RPS6KA2: variants seen among roughly 807,000 people sequenced by gnomAD.
RPS6KA2 encodes ribosomal protein S6 kinase alpha-2.
In RPS6KA2, 42 loss-of-function variants were observed where a neutral mutation model predicts 91.8. The ratio of observed to expected loss-of-function variants is 0.46; its 90% CI spans 0.36 to 0.59. The LOEUF (loss-of-function observed/expected upper bound fraction) is 0.59. RPS6KA2 is among the 20% of genes least tolerant of loss of function. The probability of loss-of-function intolerance (pLI) is 0.00; values close to 1 mark genes in which losing one functional copy is unlikely to be tolerated. For missense variants in RPS6KA2, 798 were observed against 978.5 expected (o/e 0.82, Z 2.46); for synonymous variants, 414 against 393.6 (o/e 1.05, Z -0.61).
chr6:166,671,667 C>G (rs1253107107), intron 2 of RPS6KA2, among the ~76,000 whole-genome samples: 1 of 151,334 alleles, frequency 6.6e-6, no homozygotes, highest in African/African-American at 2.4e-5. Flanking sequence ...ACTTTCTTCT[C>G]TGTGCTCTGA....
chr6:166,678,288 G>A (rs569178915), intron 2 of RPS6KA2, among the ~76,000 whole-genome samples: 142 of 152,158 alleles, frequency 9.3e-4, no homozygotes, highest in African/African-American at 3.3e-3. Flanking sequence ...GCTCTTCCAC[G>A]CTTATCCTGG....
At chr6:166,531,400 A>T in intron 2 of RPS6KA2, 87 bp from the exon 3 acceptor site, 1 of 991,650 alleles carries the variant, frequency 1.0e-6, no homozygotes, top group Non-Finnish European at 1.6e-6. Context: ...TACACAAGGA[A>T]GTTTAGAGCA....
intron 4 of RPS6KA2, among the ~76,000 whole-genome samples, chr6:166,509,965 G>C (rs1015101445): frequency 6.6e-6 from 1 of 152,140 alleles, no homozygotes; most frequent in African/African-American, 2.4e-5. Flanking sequence ...ACAAAAATAA[G>C]TCATAGATTC....
At chr6:166,503,410 GCTTGT>G (rs1782089456) in intron 6 of RPS6KA2, among the ~76,000 whole-genome samples, 1 of 152,356 alleles carries the variant, frequency 6.6e-6, no homozygotes, top group Non-Finnish European at 1.5e-5. Context: ...TCGGAGCAGG[GCTTGT>G]CTTTTCTCAG....
At chr6:166,787,888 A>G (rs999616309) in intron 2 of RPS6KA2, among the ~76,000 whole-genome samples, 1 of 151,646 alleles carries the variant, frequency 6.6e-6, no homozygotes, top group African/African-American at 2.4e-5. Context: ...TGAACAGGCA[A>G]CCTAAGGAAT....
At chr6:166,689,287 C>A (rs1789125044) in intron 2 of RPS6KA2, among the ~76,000 whole-genome samples, 1 of 152,242 alleles carries the variant, frequency 6.6e-6, no homozygotes, top group Non-Finnish European at 1.5e-5. Context: ...CCAAGATGAA[C>A]TCAAGGCCAG....
chr6:166,434,286 CA>C lies in RPS6KA2; in HGVS notation c.1333-1797del, dbSNP rs1242897249. On this transcript the variant is annotated intron_variant, in intron 14 of 20. Transcript: ENST00000265678. The surrounding 1 kb of genome is among the most constrained non-coding windows in gnomAD (Gnocchi z 4.4). ...GAGTCCTAATAGCCTGCGTTGTAAACAGGCAGAAGAGTTAGGGTCCCTTTCT... is the reference window on the plus strand; with the variant it reads ...GAGTCCTAATAGCCTGCGTTGTAAACGGCAGAAGAGTTAGGGTCCCTTTCT... Among the ~76,000 whole-genome samples the C allele has an allele frequency of 6.6e-6, 1 of 152,242 alleles. No homozygotes were observed. The highest frequency in any genetic ancestry group is 2.4e-5 in the African/African-American group (1 of 41,464).
At chr6:166,431,892 T>G (rs1028454093) in intron 15 of RPS6KA2, among the ~76,000 whole-genome samples, 1 of 152,070 alleles carries the variant, frequency 6.6e-6, no homozygotes. Flanking sequence ...CCTCCCAAAG[T>G]GCTGGGATTA....
At chr6:166,519,131 G>A (rs1371284699) in intron 3 of RPS6KA2, among the ~76,000 whole-genome samples, 1 of 152,182 alleles carries the variant, frequency 6.6e-6, no homozygotes, top group African/African-American at 2.4e-5. Flanking sequence ...TGACAGCCAG[G>A]GAGTCCAAGG....
At chr6:166,503,247 C>T (rs1782083718) in intron 6 of RPS6KA2, among the ~76,000 whole-genome samples, 1 of 152,208 alleles carries the variant, frequency 6.6e-6, no homozygotes, top group African/African-American at 2.4e-5. Flanking sequence ...CACATGTGTG[C>T]CTGTGGCGTT....
chr6:166,703,616 CT>C (rs1029549893), intron 2 of RPS6KA2, among the ~76,000 whole-genome samples: 4 of 152,168 alleles, frequency 2.6e-5, no homozygotes, highest in East Asian at 1.9e-4. Context: ...TTAAAAAGAT[CT>C]TTTTTTCTTC....
At chr6:166,507,834 A>G (rs1782299487) in intron 5 of RPS6KA2, among the ~76,000 whole-genome samples, 1 of 146,446 alleles carries the variant, frequency 6.8e-6, no homozygotes, top group African/African-American at 2.6e-5. Flanking sequence ...ATGCACACAC[A>G]CTCACATTCC....
At chr6:166,782,564 G>A (rs191937180) in intron 2 of RPS6KA2, among the ~76,000 whole-genome samples, 56 of 152,262 alleles carry the variant, frequency 3.7e-4, no homozygotes, top group African/African-American at 1.3e-3. Flanking sequence ...CCACCAGAAG[G>A]AAGCGTGACT....
chr6:166,518,660 T>C (rs1249687523), intron 3 of RPS6KA2, among the ~76,000 whole-genome samples: 1 of 152,156 alleles, frequency 6.6e-6, no homozygotes, highest in Non-Finnish European at 1.5e-5. Flanking sequence ...CAAGTATATG[T>C]TGAGTTTAGG....
Position 166,510,322 on chromosome 6 carries a change from T to C in RPS6KA2, c.334A>G (p.Ile112Val), listed in dbSNP as rs373999139. Residue 112 changes from isoleucine to valine, a missense_variant, in exon 4 of 21, where the codon ATC (isoleucine) becomes GTC (valine). Transcript: ENST00000265678. ...AAGGGGTGATTCACTTCTGCCAAGA[T>C]GTCTCTCTCCATCTTCGATCTCACT... ...DRVRSKMERD[I>V]LAEVNHPFIV... 9 of 1,602,660 alleles carry C rather than the reference T, an allele frequency of 5.6e-6. No homozygotes were observed. The highest frequency in any genetic ancestry group is 5.4e-5 in the African/African-American group (4 of 74,372).
chr6:166,843,564 T>C (rs1780538880), intron 2 of RPS6KA2, among the ~76,000 whole-genome samples: 1 of 152,200 alleles, frequency 6.6e-6, no homozygotes, highest in Non-Finnish European at 1.5e-5. Context: ...TATCCACAGC[T>C]GAAAGACGTG....
At chr6:166,646,661 G>A (rs1340190055) in intron 2 of RPS6KA2, among the ~76,000 whole-genome samples, 2 of 152,192 alleles carry the variant, frequency 1.3e-5, no homozygotes, top group African/African-American at 2.4e-5. Flanking sequence ...GACCTTCTTC[G>A]TTTCACCAGG....
intron 1 of RPS6KA2, among the ~76,000 whole-genome samples, chr6:166,549,956 A>T (rs1783944930): frequency 6.6e-6 from 1 of 152,232 alleles, no homozygotes; most frequent in African/African-American, 2.4e-5. Context: ...ATAATCATTT[A>T]AAAATTTTAA....
rs1782412390 is a variant in RPS6KA2, at chr6:166,510,216, T to C, written c.379+61A>G. The C allele has an allele frequency of 4.9e-6, 5 of 1,020,416 alleles. No individual in the cohort carries two copies. The East Asian group carries it at 1.2e-4, about 25-fold the overall frequency. 63.2% of individuals were successfully genotyped at this position (1,020,416 alleles called of 1,614,324 possible). Reference sequence around the variant, plus strand: ...TGATCTGTTATTTCTTTTTCAATTTTCTTTGATCTGGAGAAGGTTGCCCTG... The same window carrying C: ...TGATCTGTTATTTCTTTTTCAATTTCCTTTGATCTGGAGAAGGTTGCCCTG... On this transcript the variant is annotated intron_variant, in intron 4 of 20. Coordinates refer to ENST00000265678, the MANE Select transcript of RPS6KA2 (RefSeq NM_021135.6).
Sources: gnomAD v4.1 joint callset for allele counts (sites outside exome capture counted in the v4.1 genomes callset) on GRCh38, gnomAD v4.1.1 for gene constraint, Gnocchi (gnomAD v3.1) non-coding constraint, MANE v1.5 for transcripts, NCBI Gene and HGNC (gene_info 2026-07-23, HGNC 2026-07-21) for gene names.